The following ARL15 variants were observed in gnomAD, a reference collection of about 807,000 sequenced individuals.
ARL15 encodes the protein ARF like GTPase 15.
Under a neutral mutation model 25.2 loss-of-function variants are expected in ARL15, and 19 were observed. The observed-to-expected ratio is 0.75, with a 90% CI of 0.53 to 1.10. The LOEUF (loss-of-function observed/expected upper bound fraction) is 1.10. Among genes scored for constraint, ARL15 ranks in the 50% least tolerant of loss-of-function variants. ARL15 has a pLI of 0.00. For missense variants in ARL15, 220 were observed against 246.0 expected, an observed-to-expected ratio of 0.89 and a Z score of 0.71; for synonymous variants, 94 against 86.8, an observed-to-expected ratio of 1.08 and a Z score of -0.46.
rs180843258 is a variant in ARL15, at chr5:54,257,952, G to A, written c.48+52480C>T. ...GCAAAACATACTTAAGTGGAGGTAC[G>A]GGAACTGTTCTGTAGACACTGGCTA... On this transcript the variant is annotated intron_variant, in intron 1 of 4. Coordinates refer to ENST00000504924, the MANE Select transcript of ARL15 (RefSeq NM_019087.3). 3.9e-5 allele frequency among the ~76,000 whole-genome samples: 6 copies of A among 152,150 alleles called. No homozygotes were observed. The East Asian group carries it at 5.8e-4, about 15-fold the overall frequency.
At chr5:54,264,753 C>T (rs1757580573) in intron 1 of ARL15, among the ~76,000 whole-genome samples, 1 of 152,166 alleles carries the variant, frequency 6.6e-6, no homozygotes, top group African/African-American at 2.4e-5. Context: ...CTCACTCCTT[C>T]AAGACTTTTC....
intron 4 of ARL15, among the ~76,000 whole-genome samples, chr5:54,107,945 G>A (rs1449478394): frequency 1.3e-5 from 2 of 151,390 alleles, no homozygotes; most frequent in Non-Finnish European, 2.9e-5. Context: ...GGTATACAGA[G>A]GAAAAAACAG....
intron 4 of ARL15, among the ~76,000 whole-genome samples, chr5:53,960,620 G>A (rs1747331379): frequency 6.6e-6 from 1 of 152,142 alleles, no homozygotes; most frequent in South Asian, 2.1e-4. Flanking sequence ...TGTAAAATAG[G>A]TGCCCAAGTT....
intron 4 of ARL15, chr5:54,075,373 T>A (rs1751562360): frequency 6.5e-6 from 1 of 152,960 alleles, no homozygotes; most frequent in African/African-American, 2.4e-5. Flanking sequence ...AATACTACTT[T>A]ACATAATTTT....
At chr5:54,192,179 T>A (rs1175841244) in intron 1 of ARL15, among the ~76,000 whole-genome samples, 2 of 151,912 alleles carry the variant, frequency 1.3e-5, no homozygotes, top group Non-Finnish European at 2.9e-5. Context: ...GTTGTTTGGG[T>A]CTTTGCTCAC....
At chr5:54,088,923 G>A (rs1561219480) in intron 4 of ARL15, among the ~76,000 whole-genome samples, 1 of 152,164 alleles carries the variant, frequency 6.6e-6, no homozygotes, top group Non-Finnish European at 1.5e-5. Context: ...AATATTGGCT[G>A]GGAACAAAGT....
At position 54,310,491 on chromosome 5, in the gene ARL15, A is replaced by G. The variant is rs1332099319; in HGVS notation, c.-12T>C. ...CGGAGATCAGACATCCGGCAGCCTA[A>G]AGCATCCGGAACGGCTCCGAACCCG... On this transcript the variant is annotated 5_prime_UTR_variant, in exon 1 of 5. Transcript: ENST00000504924. The G allele has an allele frequency of 3.7e-6, 6 of 1,600,046 alleles. No individual in the cohort carries two copies. Among genetic ancestry groups the G allele is most frequent in the Admixed American group, 1.7e-5 (1 of 58,128 alleles).
intron 4 of ARL15, among the ~76,000 whole-genome samples, chr5:54,075,822 T>A (rs911307565): frequency 1.3e-5 from 2 of 152,194 alleles, no homozygotes; most frequent in East Asian, 3.9e-4. Context: ...TTGTAGTAAT[T>A]TAATCTTGTA....
At chr5:54,214,995 G>A (rs968630018) in intron 1 of ARL15, among the ~76,000 whole-genome samples, 3 of 152,048 alleles carry the variant, frequency 2.0e-5, no homozygotes, top group Non-Finnish European at 4.4e-5. Flanking sequence ...GGCAAAATCT[G>A]GCCATAGTCA....
chr5:54,005,656 G>A (rs1749004406), intron 4 of ARL15, among the ~76,000 whole-genome samples: 1 of 152,060 alleles, frequency 6.6e-6, no homozygotes, highest in African/African-American at 2.4e-5. Flanking sequence ...GAGGTCAGGA[G>A]ATCGAGACCA....
intron 2 of ARL15, among the ~76,000 whole-genome samples, chr5:54,157,199 A>C (rs1201487399): frequency 6.6e-6 from 1 of 152,208 alleles, no homozygotes; most frequent in African/African-American, 2.4e-5. Context: ...TTTGATTCTT[A>C]AAAGCTGACA....
At chr5:53,917,339 T>C (rs1411174794) in intron 4 of ARL15, among the ~76,000 whole-genome samples, 1 of 152,344 alleles carries the variant, frequency 6.6e-6, no homozygotes, top group East Asian at 1.9e-4. Flanking sequence ...AATTACTCCA[T>C]TGGCTCAAGC....
intron 4 of ARL15, among the ~76,000 whole-genome samples, chr5:54,079,653 T>G (rs991602286): frequency 2.6e-5 from 4 of 151,914 alleles, no homozygotes; most frequent in African/African-American, 9.7e-5. Context: ...ACACCAAAAA[T>G]TCAAAATAAA....
chr5:54,180,441 G>T (rs1755023537), intron 1 of ARL15, among the ~76,000 whole-genome samples: 1 of 152,202 alleles, frequency 6.6e-6, no homozygotes, highest in African/African-American at 2.4e-5. Context: ...ACAGGGCAAA[G>T]GAGTGCTGTG....
intron 4 of ARL15, among the ~76,000 whole-genome samples, chr5:53,898,623 C>CT (rs201020472): frequency 2.1e-3 from 313 of 150,630 alleles, no homozygotes; most frequent in Non-Finnish European, 3.6e-3. Flanking sequence ...CTTTATATTT[C>CT]TTTTTTTTTG....
chr5:54,199,840 CACACAT>C (rs1372492044), intron 1 of ARL15, among the ~76,000 whole-genome samples: 23 of 50,880 alleles, frequency 4.5e-4, no homozygotes, highest in South Asian at 1.1e-3. Flanking sequence ...AAGACACATG[CACACAT>C]ATGTTTATGG....
chr5:54,014,019 C>T (rs752606591), intron 4 of ARL15, among the ~76,000 whole-genome samples: 9 of 152,076 alleles, frequency 5.9e-5, no homozygotes, highest in Non-Finnish European at 1.3e-4. Flanking sequence ...TAAGAAGAAC[C>T]CATTAGGTGA....
At chr5:53,944,242 T>C (rs141215492) in intron 4 of ARL15, among the ~76,000 whole-genome samples, 2,415 of 152,202 alleles carry the variant, frequency 0.016, 33 homozygotes, top group Middle Eastern at 0.024. Flanking sequence ...TATGGGGCTT[T>C]AGAAAAAGTC....
At chr5:54,187,869 G>T (rs1385359049) in intron 1 of ARL15, among the ~76,000 whole-genome samples, 1 of 152,162 alleles carries the variant, frequency 6.6e-6, no homozygotes, top group African/African-American at 2.4e-5. Context: ...GAAGCCATGT[G>T]TAGCACCTAG....
Sources: allele counts gnomAD v4.1 joint callset (sites outside exome capture counted in the v4.1 genomes callset), GRCh38; gene constraint gnomAD v4.1.1; transcripts MANE v1.5; gene names NCBI Gene and HGNC (gene_info 2026-07-23, HGNC 2026-07-21).